TRIQK: variants seen among roughly 807,000 people sequenced by gnomAD.
The protein encoded by TRIQK is triple QxxK/R motif-containing protein.
A neutral mutation model predicts 10.8 loss-of-function variants in TRIQK; 10 were observed. The ratio of observed to expected loss-of-function variants is 0.92; its 90% CI spans 0.57 to 1.57. The LOEUF (loss-of-function observed/expected upper bound fraction) is 1.57. Among genes scored for constraint, TRIQK ranks in the 40% most tolerant of loss-of-function variants. The pLI, the probability that TRIQK is intolerant of heterozygous loss-of-function variation, is 0.00. For missense variants in TRIQK, 107 were observed against 97.7 expected, an observed-to-expected ratio of 1.09 and a Z score of -0.40; for synonymous variants, 33 against 33.7, an observed-to-expected ratio of 0.98 and a Z score of 0.07.
chr8:92,939,442 C>A (rs1359625259), intron 2 of TRIQK, among the ~76,000 whole-genome samples: 1 of 152,118 alleles, frequency 6.6e-6, no homozygotes, highest in Non-Finnish European at 1.5e-5. Flanking sequence ...CCAATGACTC[C>A]ATAAGGCAGG....
intron 2 of TRIQK, among the ~76,000 whole-genome samples, chr8:92,940,272 C>T (rs1811200462): frequency 6.6e-6 from 1 of 151,006 alleles, no homozygotes; most frequent in Admixed American, 6.6e-5. Context: ...TCAATAATCA[C>T]CTTAAATGTA....
At chr8:92,958,436 T>C (rs916365335) in intron 1 of TRIQK, among the ~76,000 whole-genome samples, 12 of 152,016 alleles carry the variant, frequency 7.9e-5, no homozygotes, top group Admixed American at 6.6e-4. Flanking sequence ...TACTTATCTC[T>C]ATAAACATCT....
upstream of TRIQK, among the ~76,000 whole-genome samples, chr8:92,968,102 C>T (rs908182177): frequency 6.6e-6 from 1 of 151,988 alleles, no homozygotes; most frequent in African/African-American, 2.4e-5. Flanking sequence ...CATATAAAGA[C>T]ATATATTATT....
At chr8:92,931,373 A>G (rs895025283) in intron 2 of TRIQK, among the ~76,000 whole-genome samples, 1 of 152,178 alleles carries the variant, frequency 6.6e-6, no homozygotes, top group Non-Finnish European at 1.5e-5. Context: ...TGGGAAGTCT[A>G]CTGAAAACCT....
At chr8:92,888,083 GTT>G (rs1405559888) in intron 4 of TRIQK, among the ~76,000 whole-genome samples, 1 of 151,584 alleles carries the variant, frequency 6.6e-6, no homozygotes, top group Non-Finnish European at 1.5e-5. Flanking sequence ...CCACAGCTGT[GTT>G]CCCAGACCCA....
chr8:92,897,609 A>G (rs1442317670), intron 3 of TRIQK, among the ~76,000 whole-genome samples: 4 of 152,092 alleles, frequency 2.6e-5, no homozygotes, highest in Non-Finnish European at 4.4e-5. Context: ...TTGACTTTCC[A>G]GACTCCAGAA....
chr8:92,932,874 G>A (rs1194112466), intron 2 of TRIQK, among the ~76,000 whole-genome samples: 1 of 152,022 alleles, frequency 6.6e-6, no homozygotes, highest in East Asian at 1.9e-4. Context: ...GTTCCTTCAA[G>A]GTGGTTTGTG....
intron 3 of TRIQK, among the ~76,000 whole-genome samples, chr8:92,905,591 C>G (rs1366264654): frequency 6.6e-6 from 1 of 151,980 alleles, no homozygotes; most frequent in African/African-American, 2.4e-5. Context: ...TTTTTTAAAC[C>G]TATAGTACTT....
intron 3 of TRIQK, among the ~76,000 whole-genome samples, chr8:92,897,637 C>A (rs775960431): frequency 1.6e-4 from 25 of 152,112 alleles, no homozygotes; most frequent in Non-Finnish European, 3.5e-4. Context: ...AAATAGATTT[C>A]TTTTCTTTAT....
chr8:92,973,708 G>A (rs1812899578), intron 1 of TRIQK: 1 of 152,154 alleles, frequency 6.6e-6, no homozygotes, highest in African/African-American at 2.4e-5. Flanking sequence ...AACATTTTTG[G>A]TGCAAAGTGG....
At chr8:92,898,648 T>G (rs1262430435) in intron 3 of TRIQK, among the ~76,000 whole-genome samples, 1 of 151,762 alleles carries the variant, frequency 6.6e-6, no homozygotes, top group Non-Finnish European at 1.5e-5. Flanking sequence ...TGTTGGATTT[T>G]TACATTAATT....
At chr8:92,920,257 T>A (rs748582275) in intron 2 of TRIQK, among the ~76,000 whole-genome samples, 1 of 151,740 alleles carries the variant, frequency 6.6e-6, no homozygotes, top group African/African-American at 2.4e-5. Context: ...AATTACAATA[T>A]GTCATTATTC....
chr8:93,003,424 A>G (rs1813235794), intron 1 of TRIQK, among the ~76,000 whole-genome samples: 1 of 152,084 alleles, frequency 6.6e-6, no homozygotes, highest in Non-Finnish European at 1.5e-5. Context: ...CAAGAGAGAA[A>G]TCAGCTTCCA....
chr8:92,894,341 G>T (rs1204161389), intron 3 of TRIQK, among the ~76,000 whole-genome samples: 1 of 151,798 alleles, frequency 6.6e-6, no homozygotes, highest in African/African-American at 2.4e-5. Flanking sequence ...ACCCAAAGAG[G>T]TTTTCAACAT....
chr8:92,970,977 GTA>G (rs745822786), upstream of TRIQK, among the ~76,000 whole-genome samples: 25 of 152,092 alleles, frequency 1.6e-4, no homozygotes, highest in Non-Finnish European at 3.1e-4. Context: ...TTTGTATAAG[GTA>G]TAAGGTCGGG....
intron 4 of TRIQK, among the ~76,000 whole-genome samples, chr8:92,888,653 C>G (rs1002960853): frequency 5.9e-5 from 9 of 151,480 alleles, no homozygotes; most frequent in African/African-American, 2.2e-4. Context: ...GCATTTATGA[C>G]TCCCTTGCCC....
chr8:92,907,050 G>GA (rs1291204736), intron 3 of TRIQK, among the ~76,000 whole-genome samples: 9 of 152,106 alleles, frequency 5.9e-5, no homozygotes, highest in African/African-American at 2.2e-4. Flanking sequence ...GAAATAACAT[G>GA]AAAATGGGAG....
In TRIQK at chr8:92,981,226, C is replaced by T. The variant is rs181266445; in HGVS notation, c.-180-26662G>A. ...ATACGTTCAGTGAATAAAGCCTGTT[C>T]GTGAGGTCTGTTTTCGGTGGCTTTT... On this transcript the variant is annotated intron_variant, in intron 1 of 4. Coordinates refer to the TRIQK transcript ENST00000520686. Among the ~76,000 whole-genome samples, 8 of 151,536 alleles carry T rather than the reference C, an allele frequency of 5.3e-5. No individual in the cohort carries two copies. In the South Asian group the frequency reaches 6.3e-4, roughly 12 times the overall value.
intron 2 of TRIQK, among the ~76,000 whole-genome samples, chr8:92,934,962 A>C (rs572880699): frequency 2.6e-4 from 40 of 152,024 alleles, no homozygotes; most frequent in African/African-American, 9.4e-4. Flanking sequence ...GAAAAAGCAT[A>C]AGTAGATTTC....
Sources: gnomAD v4.1 joint callset for allele counts (sites outside exome capture counted in the v4.1 genomes callset) on GRCh38, gnomAD v4.1.1 for gene constraint, MANE v1.5 for transcripts, NCBI Gene and HGNC (gene_info 2026-07-23, HGNC 2026-07-21) for gene names.